LILRB5: variants seen among roughly 807,000 people sequenced by gnomAD.
LILRB5 encodes the protein leukocyte immunoglobulin like receptor B5, also known as leukocyte immunoglobulin-like receptor subfamily B member 5.
A neutral mutation model predicts 68.4 loss-of-function variants in LILRB5; 61 were observed. The observed-to-expected ratio is 0.89, with a 90% CI of 0.73 to 1.10. The LOEUF (loss-of-function observed/expected upper bound fraction) is 1.10. Ranked by LOEUF, LILRB5 falls within the 50% of genes least tolerant of loss-of-function variation. The pLI is 0.00. For missense variants in LILRB5, 771 were observed against 751.6 expected (o/e 1.03, Z -0.30); for synonymous variants, 356 against 315.8 (o/e 1.13, Z -1.35).
chr19:54,256,342 C>A lies in LILRB5; in HGVS notation c.356G>T (p.Gly119Val). The change falls in exon 4 of 13, where the codon GGA becomes GTA. Residue 119 changes from glycine to valine, a missense_variant and splice_region_variant. Transcript: ENST00000449561. ...TAAAAGAGTGGGTTCTGCATAGAAT[C>A]CTAGCAGAGAAGGAGGCACGTCTTA... Reference protein sequence around the residue: ...PSDPLELVATGFYAEPTLLAL... With the variant: ...PSDPLELVATVFYAEPTLLAL... 1 of 1,601,216 alleles carries A rather than the reference C, an allele frequency of 6.2e-7. No individual in the cohort carries two copies.
rs2079078261 is a variant in LILRB5 at position 54,254,980 on chromosome 19, C to T, written c.1010G>A (p.Gly337Glu). ...SVQPGPKVASGENVTLLCQSW... is the reference protein window; with the variant it reads ...SVQPGPKVASEENVTLLCQSW... ...CTGACACAGCAGGGTCACGTTCTCT[C>T]CTGAGGCCACCTTGGGGCCCGGCTG... The change falls in exon 6 of 13, where the codon GGA becomes GAA. Residue 337 changes from glycine (G) to glutamate (E), a missense_variant. Transcript: ENST00000449561. The T allele has an allele frequency of 6.2e-7, 1 of 1,613,712 alleles. No individual in the cohort carries two copies. The highest frequency in any genetic ancestry group is 1.1e-5 in the South Asian group (1 of 91,080).
chr19:54,253,590 T>G, intron 8 of LILRB5: 1 of 446,554 alleles, frequency 2.2e-6, no homozygotes, highest in Non-Finnish European at 4.1e-6. Flanking sequence ...AGCAGTTCTG[T>G]GAGCTGGATG....
At chr19:54,253,158 G>A in intron 8 of LILRB5, 171 bp from the exon 9 acceptor site, 1 of 308,934 alleles carries the variant, frequency 3.2e-6, no homozygotes, top group Non-Finnish European at 6.6e-6. Context: ...CTCAGAGAGG[G>A]GAATCGCCTG....
Position 54,252,987 on chromosome 19 carries a change from C to T in LILRB5, c.1358G>A (p.Gly453Asp). 6.4e-7 allele frequency: 1 copy of T among 1,552,376 alleles called. No individual in the cohort carries two copies. Among genetic ancestry groups the T allele is most frequent in the Non-Finnish European group, 8.8e-7 (1 of 1,141,698 alleles). ...CACAACCCCCAGGTGCCTTCCCAGA[C>T]CTTGAGCGTGATGACGTTGGGAATG... ...LTPTGLDPQSGLGRHLGVVTG... is the reference protein window; with the variant it reads ...LTPTGLDPQSDLGRHLGVVTG... Residue 453 changes from glycine (G) to aspartate (D), a missense_variant and splice_region_variant, in exon 9 of 13, where the codon GGT becomes GAT. By Grantham distance (94) the Gly-to-Asp change is moderately conservative. Transcript: ENST00000449561.
chr19:54,254,487 G>C, intron 6 of LILRB5, 72 bp from the exon 7 acceptor site: 2 of 1,485,862 alleles, frequency 1.3e-6, no homozygotes, highest in South Asian at 1.3e-5. Context: ...CCACCTGCCC[G>C]TGGCTTCTCT....
Position 54,255,463 on chromosome 19 carries a change from C to T in LILRB5, c.775G>A (p.Gly259Arg). The T allele has an allele frequency of 6.2e-7, 1 of 1,614,160 alleles. No individual in the cohort carries two copies. Among genetic ancestry groups the T allele is most frequent in the Non-Finnish European group, 8.5e-7 (1 of 1,180,004 alleles). Residue 259 changes from glycine to arginine, a missense_variant, in exon 5 of 13, where the codon GGG (glycine) becomes AGG (arginine). By Grantham distance (125) the Gly-to-Arg change is moderately radical (BLOSUM62 -2). Transcript: ENST00000449561. ...GYDIFVLYKE[G>R]EHDLVQGSGQ... ...GAGCCCTGGACGAGGTCATGTTCCC[C>T]CTCCTTGTACAGAACGAATATGTCA...
At position 54,251,137 on chromosome 19, in the gene LILRB5, C is replaced by T. The variant is rs554655691; in HGVS notation, c.1630-205G>A. The T allele has an allele frequency of 1.0e-4, 159 of 1,577,950 alleles. No homozygotes were observed. The East Asian group carries it at 3.2e-3, about 32-fold the overall frequency. ...TGGAGTGTTTCACCGGGGCATACGT[C>T]ACTGCCTGGGGGTCTTCATCGTGTG... On this transcript the variant is annotated intron_variant, in intron 12 of 12. Transcript: ENST00000449561.
intron 4 of LILRB5, chr19:54,255,827 T>A (rs1430772938): frequency 1.5e-6 from 1 of 651,228 alleles, no homozygotes; most frequent in Non-Finnish European, 2.6e-6. Flanking sequence ...TTGCAGCAAA[T>A]ACACCCATTG....
intron 8 of LILRB5, chr19:54,253,740 GCCC>G: frequency 8.5e-7 from 1 of 1,177,282 alleles, no homozygotes; most frequent in Admixed American, 2.1e-5. Context: ...CCTGAGCGGA[GCCC>G]CGGAGCTGCA....
At chr19:54,255,197 CCG>C in intron 5 of LILRB5, 87 bp downstream of exon 5, 19 of 1,540,194 alleles carry the variant, frequency 1.2e-5, no homozygotes, top group Admixed American at 1.9e-5. Flanking sequence ...GACCACCCCC[CCG>C]CCTCATCCCG....
At position 54,249,648 on chromosome 19, in the gene LILRB5, G is replaced by T. The variant is rs899503884; in HGVS notation, c.*1138C>A. ...GCGTCAGAAAGAAGGAAGAGAAAAC[G>T]ATGTCTAGCAATAGCCCAAGAGGTG... On this transcript the variant is annotated 3_prime_UTR_variant, in exon 13 of 13. Transcript: ENST00000449561. 6.6e-6 allele frequency: 1 copy of T among 152,210 alleles called. No individual in the cohort carries two copies. Among genetic ancestry groups the T allele is most frequent in the Non-Finnish European group, 1.5e-5 (1 of 68,044 alleles). 9.4% of individuals were successfully genotyped at this position (152,210 alleles called of 1,614,324 possible).
rs1439400956 is a variant in LILRB5 at position 54,256,063 on chromosome 19, A to C, written c.635T>G (p.Leu212Arg). Residue 212 changes from leucine (L) to arginine (R), a missense_variant, in exon 4 of 13, where the codon CTC becomes CGC. Transcript: ENST00000449561. ...NPQVWSNPSD[L>R]LEILVPGVSR... ...TTCACCTGGGACCAGAATCTCCAGG[A>C]GGTCACTGGGGTTCGACCACACCTG... The C allele has an allele frequency of 1.9e-6, 3 of 1,548,264 alleles. No individual in the cohort carries two copies. The highest frequency in any genetic ancestry group is 1.7e-6 in the Non-Finnish European group (2 of 1,150,364).
rs550408717 is a variant in LILRB5, at chr19:54,251,504, G to C, written c.1629+550C>G. 11 of 531,496 alleles carry C rather than the reference G, an allele frequency of 2.1e-5. No homozygotes were observed. In the African/African-American group the frequency reaches 2.1e-4, roughly 10 times the overall value. 32.9% of individuals were successfully genotyped at this position (531,496 alleles called of 1,614,324 possible). ...TGTCCAGGCTTCTCAGATGACAGCT[G>C]AGCAGACAGCCCTCCCCTTCCATTC... On this transcript the variant is annotated intron_variant, in intron 12 of 12. Transcript: ENST00000449561.
rs1178195008 is a variant in LILRB5, at chr19:54,252,948, A to C, written c.1397T>G (p.Val466Gly). Residue 466 changes from valine to glycine, a missense_variant, in exon 9 of 13, where the codon GTG becomes GGG. Physicochemically the swap from Val to Gly is moderately radical, Grantham distance 109 (BLOSUM62 -3). Coordinates refer to ENST00000449561, the MANE Select transcript of LILRB5 (RefSeq NM_001081442.3). ...RHLGVVTGVS[V>G]AFVLLLFLLL... Reference sequence around the variant, plus strand: ...GAGGAACAGCAGCAGGACGAAGGCCACTGAGACCCCAGTCACAACCCCCAG... The same window carrying C: ...GAGGAACAGCAGCAGGACGAAGGCCCCTGAGACCCCAGTCACAACCCCCAG... The C allele has an allele frequency of 6.3e-7, 1 of 1,576,700 alleles. No homozygotes were observed. The highest frequency in any genetic ancestry group is 2.4e-5 in the East Asian group (1 of 41,152).
chr19:54,252,758 G>C lies in LILRB5; in HGVS notation c.1474+113C>G, dbSNP rs987332376. The C allele has an allele frequency of 1.4e-5, 16 of 1,121,426 alleles. No homozygotes were observed. In the Middle Eastern group the frequency reaches 1.2e-3, roughly 87 times the overall value. 69.5% of individuals were successfully genotyped at this position (1,121,426 alleles called of 1,614,324 possible). A position where few individuals can be genotyped will look rare whatever the true frequency, so the allele number is the denominator to read the frequency against. ...CTTTCTCGATCGATTTTTCACCTGG[G>C]AATTTCTGGAGCAGTTTTTCTAAGC... On this transcript the variant is annotated intron_variant, in intron 9 of 12. Coordinates refer to ENST00000449561, the MANE Select transcript of LILRB5 (RefSeq NM_001081442.3).
chr19:54,257,104 T>C (rs1470272869), intron 1 of LILRB5, 56 bp downstream of exon 1: 2 of 1,613,948 alleles, frequency 1.2e-6, no homozygotes, highest in Non-Finnish European at 1.7e-6. Flanking sequence ...AGAGCCTCGC[T>C]TTAGAGTGAG....
chr19:54,252,140 G>A (rs1490163276), intron 11 of LILRB5, 34 bp from the exon 12 acceptor site: 87 of 1,611,254 alleles, frequency 5.4e-5, no homozygotes, highest in Non-Finnish European at 7.1e-5. Flanking sequence ...CATCTCCTGG[G>A]AAGGTTCTCT....
chr19:54,252,664 A>G (rs1405329022), intron 9 of LILRB5, 115 bp from the exon 10 acceptor site: 11 of 1,220,430 alleles, frequency 9.0e-6, no homozygotes, highest in Non-Finnish European at 8.2e-6. Flanking sequence ...GAGGCTTTAA[A>G]TACGTCGTAA....
In LILRB5 at chr19:54,255,009, C is replaced by G; in HGVS notation, c.981G>C (p.Ser327=). 6.2e-7 allele frequency: 1 copy of G among 1,611,402 alleles called. No homozygotes were observed. The highest frequency in any genetic ancestry group is 1.1e-5 in the South Asian group (1 of 90,848). Residue 327 remains serine, a synonymous_variant, in exon 6 of 13, where the codon TCG becomes TCC. Transcript: ENST00000449561. The stretch of plus-strand genomic sequence containing the variant: ...AGGCCACCTTGGGGCCCGGCTGCAC[C>G]GAGAGGGCGGGTATGTCAGGGATCA... ...AGLIPDIPAL[S]VQPGPKVASG...
Sources: gnomAD v4.1 joint callset for allele counts on GRCh38, gnomAD v4.1.1 for gene constraint, MANE v1.5 for transcripts, NCBI Gene and HGNC (gene_info 2026-07-23, HGNC 2026-07-21) for gene names.